Variants in RPL4 observed in about 807,000 individuals in gnomAD.
The protein encoded by RPL4 is ribosomal protein L4, also known as large ribosomal subunit protein uL4.
In RPL4, 3 loss-of-function variants were observed where a neutral mutation model predicts 47.7. The observed-to-expected ratio is 0.06, with a 90% CI of 0.03 to 0.16. RPL4 has a LOEUF of 0.16. Among genes scored for constraint, RPL4 ranks in the 10% least tolerant of loss-of-function variants. RPL4 has a pLI of 1.00. For synonymous variants in RPL4, 208 were observed against 182.1 expected (o/e 1.14, Z -1.15); for missense variants, 413 against 551.3 (o/e 0.75, Z 2.51).
Position 66,503,041 on chromosome 15 carries a change from A to G in RPL4, c.282+17T>C, listed in dbSNP as rs778929522. 1 of 1,603,312 alleles carries G rather than the reference A, an allele frequency of 6.2e-7. No individual in the cohort carries two copies. The highest frequency in any genetic ancestry group is 1.7e-5 in the Admixed American group (1 of 59,696). On this transcript the variant is annotated intron_variant, in intron 3 of 9. Transcript: ENST00000307961. ...CCATCAGAGATGACCAGTCTTAGGT[A>G]GTGAAACAAAGGATACGTTTCCAAA...
chr15:66,499,848 C>G (rs958641931), intron 9 of RPL4, 196 bp from the exon 10 acceptor site: 10 of 899,118 alleles, frequency 1.1e-5, no homozygotes, highest in Admixed American at 2.9e-5. Flanking sequence ...TATAGTGACA[C>G]CCCGTCTCTA....
chr15:66,504,836 C>T lies in RPL4; in HGVS notation c.-46G>A, dbSNP rs1330922629. 3 of 1,607,920 alleles carry T rather than the reference C, an allele frequency of 1.9e-6. No homozygotes were observed. The highest frequency in any genetic ancestry group is 2.5e-6 in the Non-Finnish European group (3 of 1,177,536). ...ACGCTCCTCTCAGCCCGGCTGCTGC[C>T]ACAGGAAAAGGAAGTGCTTACCACT... On this transcript the variant is annotated 5_prime_UTR_variant, in exon 1 of 10. Coordinates refer to ENST00000307961, the MANE Select transcript of RPL4 (RefSeq NM_000968.4).
At position 66,500,078 on chromosome 15, in the gene RPL4, G is replaced by A; in HGVS notation, c.1016C>T (p.Thr339Ile). The A allele has an allele frequency of 6.2e-7, 1 of 1,612,018 alleles. No homozygotes were observed. The highest frequency in any genetic ancestry group is 8.5e-7 in the Non-Finnish European group (1 of 1,179,840). Residue 339 changes from threonine (T) to isoleucine (I), a missense_variant, in exon 9 of 10, where the codon ACC becomes ATC. Physicochemically the swap from Thr to Ile is moderately conservative, Grantham distance 89. This residue lies in a region of RPL4 where 134 missense variants were observed against 122.7 expected (regional missense o/e 1.09). Coordinates refer to ENST00000307961, the MANE Select transcript of RPL4 (RefSeq NM_000968.4). ...CACATTCCTGGCCTGGCGAAGAATG[G>A]TGTTCCGGCGCATGGTCTTTGCATA... ...NPYAKTMRRN[T>I]ILRQARNHKL... is the part of the protein sequence containing the mutation.
At chr15:66,500,797 A>G (rs1893595047) in intron 7 of RPL4, 152 bp downstream of exon 7, 1 of 946,990 alleles carries the variant, frequency 1.1e-6, no homozygotes, top group Non-Finnish European at 1.6e-6. Context: ...CAAAACAAAA[A>G]ACCAAAAATA....
In RPL4 at chr15:66,501,362, G is replaced by A. The variant is rs1012515376; in HGVS notation, c.676+13C>T. On this transcript the variant is annotated intron_variant, in intron 6 of 9. Transcript: ENST00000307961. The stretch of plus-strand genomic sequence containing the variant: ...GAGTATACCTAGTCAATATATGTAA[G>A]CAGTTTAATTACCAGGGATGTTTCT... 2 of 1,614,084 alleles carry A rather than the reference G, an allele frequency of 1.2e-6. No individual in the cohort carries two copies. Among genetic ancestry groups the A allele is most frequent in the Non-Finnish European group, 1.7e-6 (2 of 1,179,986 alleles).
Position 66,504,707 on chromosome 15 carries a change from G to A in RPL4, c.3+81C>T. The A allele has an allele frequency of 1.1e-5, 17 of 1,580,346 alleles. No individual in the cohort carries two copies. The African/African-American group carries it at 1.2e-4, about 11-fold the overall frequency. The stretch of plus-strand genomic sequence containing the variant: ...CCCTCTCCTCGCTCTATCTCCTACA[G>A]ATTCTATGCTCCGAACCCCAAATCC... On this transcript the variant is annotated intron_variant, in intron 1 of 9. Transcript: ENST00000307961.
At chr15:66,501,546 C>A in intron 5 of RPL4, 42 bp from the exon 6 acceptor site, 1 of 1,609,688 alleles carries the variant, frequency 6.2e-7, no homozygotes, top group East Asian at 2.2e-5. Context: ...AAGATAGAAT[C>A]TCTGCAATAG....
chr15:66,503,731 ATTGT>A (rs141277362), intron 1 of RPL4, among the ~76,000 whole-genome samples: 2,440 of 152,318 alleles, frequency 0.016, 58 homozygotes, highest in African/African-American at 0.055. Context: ...TTCAAAAAGA[ATTGT>A]TTATCATAAA....
chr15:66,498,016 T>C lies in RPL4; in HGVS notation c.*1391A>G. 1 of 446,212 alleles carries C rather than the reference T, an allele frequency of 2.2e-6. No homozygotes were observed. Among genetic ancestry groups the C allele is most frequent in the Non-Finnish European group, 4.0e-6 (1 of 247,732 alleles). 27.6% of individuals were successfully genotyped at this position (446,212 alleles called of 1,614,324 possible). A position where few individuals can be genotyped will look rare whatever the true frequency, so the allele number is the denominator to read the frequency against. ...AGCTGTAAAGAACCTGAAGAAATCT[T>C]GGGTTTGGCTATCCTTTAATCCGAT... is the stretch of plus-strand genomic sequence containing the variant. On this transcript the variant is annotated 3_prime_UTR_variant, in exon 10 of 10. Coordinates refer to ENST00000307961, the MANE Select transcript of RPL4 (RefSeq NM_000968.4).
intron 1 of RPL4, 75 bp from the exon 2 acceptor site, chr15:66,503,604 C>T: frequency 7.1e-7 from 1 of 1,416,152 alleles, no homozygotes; most frequent in Non-Finnish European, 9.5e-7. Context: ...GCCAACAATA[C>T]CATTAAATAC....
intron 7 of RPL4, chr15:66,500,673 T>G (rs1893592294): frequency 1.8e-6 from 1 of 542,800 alleles, no homozygotes; most frequent in African/African-American, 1.9e-5. Context: ...TCCCAGGTAC[T>G]TGGGAGGCTG....
At chr15:66,504,335 A>G (rs1163044388) in intron 1 of RPL4, among the ~76,000 whole-genome samples, 1 of 152,232 alleles carries the variant, frequency 6.6e-6, no homozygotes, top group Non-Finnish European at 1.5e-5. Context: ...CATAGTATAT[A>G]CGAACACTAT....
intron 9 of RPL4, 32 bp from the exon 10 acceptor site, chr15:66,499,684 T>A: frequency 6.2e-7 from 1 of 1,611,246 alleles, no homozygotes; most frequent in Non-Finnish European, 8.5e-7. Flanking sequence ...ACAGTAAGAA[T>A]CAAATCCCTG....
chr15:66,500,176 G>T lies in RPL4; in HGVS notation c.918C>A (p.Arg306=), dbSNP rs1475392772. The stretch of plus-strand genomic sequence containing the variant: ...TTAGGACTCTGCGATGGATCTTCTT[G>T]CTATAAAAAAGCAGATACTGTATCA... ...PEIQRALRAP[R]KKIHRRVLKK... Residue 306 remains arginine (R), a splice_region_variant and synonymous_variant, in exon 9 of 10, where the codon CGC becomes CGA. Coordinates refer to ENST00000307961, the MANE Select transcript of RPL4 (RefSeq NM_000968.4). The T allele has an allele frequency of 6.2e-7, 1 of 1,613,568 alleles. No individual in the cohort carries two copies. The highest frequency in any genetic ancestry group is 2.2e-5 in the East Asian group (1 of 44,886).
intron 4 of RPL4, chr15:66,502,142 G>T: frequency 1.5e-6 from 1 of 667,592 alleles, no homozygotes; most frequent in Non-Finnish European, 2.7e-6. Context: ...TAAGTTGGAA[G>T]TTTTCTAAGG....
intron 4 of RPL4, chr15:66,502,118 G>A (rs759894320): frequency 3.0e-5 from 22 of 735,254 alleles, no homozygotes; most frequent in Admixed American, 7.4e-5. Flanking sequence ...CGATGGGTAC[G>A]CAACAGGCAA....
At position 66,498,711 on chromosome 15, in the gene RPL4, C is replaced by G. The variant is rs1054814105; in HGVS notation, c.*696G>C. ...TCCCAGGTTCAAGTGATTCTCTTGCCTCAGCCTCCAAGTAGCTGGGGTTAC... is the reference window on the plus strand; with the variant it reads ...TCCCAGGTTCAAGTGATTCTCTTGCGTCAGCCTCCAAGTAGCTGGGGTTAC... On this transcript the variant is annotated 3_prime_UTR_variant, in exon 10 of 10. Coordinates refer to ENST00000307961, the MANE Select transcript of RPL4 (RefSeq NM_000968.4). 9 of 152,452 alleles carry G rather than the reference C, an allele frequency of 5.9e-5. No individual in the cohort carries two copies. The highest frequency in any genetic ancestry group is 1.9e-4 in the East Asian group (1 of 5,214). 9.4% of individuals were successfully genotyped at this position (152,452 alleles called of 1,614,324 possible).
At position 66,504,713 on chromosome 15, in the gene RPL4, A is replaced by C. The variant is rs373335211; in HGVS notation, c.3+75T>G. 240 of 1,588,800 alleles carry C rather than the reference A, an allele frequency of 1.5e-4. No homozygotes were observed. The African/African-American group carries it at 2.1e-3, about 14-fold the overall frequency. ...CCTCGCTCTATCTCCTACAGATTCT[A>C]TGCTCCGAACCCCAAATCCTTCCTT... On this transcript the variant is annotated intron_variant, in intron 1 of 9. Coordinates refer to ENST00000307961, the MANE Select transcript of RPL4 (RefSeq NM_000968.4).
chr15:66,503,678 ACTAGAACC>A, intron 1 of RPL4, 149 bp from the exon 2 acceptor site: 1 of 693,772 alleles, frequency 1.4e-6, no homozygotes, highest in Non-Finnish European at 2.4e-6. Context: ...GCAGTAAATG[ACTAGAACC>A]CTTAGAATCT....
Sources: allele counts gnomAD v4.1 joint callset (sites outside exome capture counted in the v4.1 genomes callset), GRCh38; gene constraint gnomAD v4.1.1; regional missense constraint gnomAD v4.1.1; transcripts MANE v1.5; gene names NCBI Gene and HGNC (gene_info 2026-07-23, HGNC 2026-07-21).